The following TMEM170A variants were observed in gnomAD, a reference collection of about 807,000 sequenced individuals.
TMEM170A encodes transmembrane protein 170.
TMEM170A carries 18 observed loss-of-function variants against 12.8 expected under a neutral mutation model. The ratio of observed to expected loss-of-function variants is 1.41; its 90% confidence interval spans 0.97 to 2.09. The LOEUF (loss-of-function observed/expected upper bound fraction) is 2.09. Ranked by LOEUF, TMEM170A falls within the 30% of genes most tolerant of loss-of-function variation. The pLI is 0.00. For missense variants in TMEM170A, 220 were observed against 179.9 expected, an observed-to-expected ratio of 1.22 and a Z score of -1.28; for synonymous variants, 107 against 76.2, an observed-to-expected ratio of 1.40 and a Z score of -2.11.
At position 75,464,542 on chromosome 16, in the gene TMEM170A, A is replaced by C; in HGVS notation, c.59T>G (p.Leu20Arg). ...GGSAGLLQQI[L>R]SLKVVPRVGN... ...CACCCGCGGCACAACCTTCAGGCTC[A>C]GGATCTGCTGCAGGAGCCCGGCCGA... The change falls in exon 1 of 3, where the codon CTG becomes CGG. Residue 20 changes from leucine (L) to arginine (R), a missense_variant. By Grantham distance (102) the Leu-to-Arg change is moderately radical (BLOSUM62 -2). Transcript: ENST00000561878. 1 of 1,589,014 alleles carries C rather than the reference A, an allele frequency of 6.3e-7. No homozygotes were observed. The highest frequency in any genetic ancestry group is 8.5e-7 in the Non-Finnish European group (1 of 1,170,188).
At chr16:75,454,142 A>G (rs190296528) in intron 1 of TMEM170A, among the ~76,000 whole-genome samples, 62 of 148,406 alleles carry the variant, frequency 4.2e-4, no homozygotes, top group African/African-American at 1.3e-3. Flanking sequence ...TTTGGACCAG[A>G]TAACTTTTCA....
intron 1 of TMEM170A, chr16:75,452,774 C>G (rs1241675695): frequency 6.6e-6 from 1 of 152,222 alleles, no homozygotes; most frequent in Non-Finnish European, 1.5e-5. Flanking sequence ...TAGGGTTCAT[C>G]AGTCAAATAT....
At chr16:75,452,213 C>T (rs947943776) in intron 1 of TMEM170A, among the ~76,000 whole-genome samples, 8 of 151,958 alleles carry the variant, frequency 5.3e-5, no homozygotes, top group Admixed American at 6.6e-5. Context: ...CCTCATGATC[C>T]GCCCGCCTCG....
Position 75,443,781 on chromosome 16 carries a change from A to T in TMEM170A, c.*3777T>A, listed in dbSNP as rs927103383. 3.3e-5 allele frequency: 5 copies of T among 152,156 alleles called. No individual in the cohort carries two copies. Among genetic ancestry groups the T allele is most frequent in the Non-Finnish European group, 7.3e-5 (5 of 68,028 alleles). 9.4% of individuals were successfully genotyped at this position (152,156 alleles called of 1,614,324 possible). A position where few individuals can be genotyped will look rare whatever the true frequency, so the allele number is the denominator to read the frequency against. The stretch of plus-strand genomic sequence containing the variant: ...AGTTTTCATGAAATGCTTTCACCTC[A>T]AAACCCCGTATTCAAGAATCAAGAA... On this transcript the variant is annotated 3_prime_UTR_variant, in exon 3 of 3. Coordinates refer to ENST00000561878, the MANE Select transcript of TMEM170A (RefSeq NM_145254.3).
rs2151656955 is a variant in TMEM170A at position 75,464,640 on chromosome 16, C to T, written c.-40G>A. The T allele has an allele frequency of 1.0e-5, 16 of 1,552,594 alleles. No homozygotes were observed. Among genetic ancestry groups the T allele is most frequent in the Non-Finnish European group, 1.3e-5 (15 of 1,155,240 alleles). ...CCACAGAGAAATGAGGGACGAGCGCCCGAAGTGCGGTAGCGGCCGGCGCCG... is the reference window on the plus strand; with the variant it reads ...CCACAGAGAAATGAGGGACGAGCGCTCGAAGTGCGGTAGCGGCCGGCGCCG... On this transcript the variant is annotated 5_prime_UTR_variant, in exon 1 of 3. Transcript: ENST00000561878.
At chr16:75,462,821 G>A (rs1261825786) in intron 1 of TMEM170A, among the ~76,000 whole-genome samples, 1 of 152,146 alleles carries the variant, frequency 6.6e-6, no homozygotes, top group African/African-American at 2.4e-5. Flanking sequence ...TTGGGGAAAT[G>A]TAAACAAGGC....
chr16:75,451,793 G>C lies in TMEM170A; in HGVS notation c.180C>G (p.Phe60Leu). ...CCAGTAATCCAGCAGGGACATGAAAGAAGAGAGAAGACACCAGTGCCCACA... is the reference window on the plus strand; with the variant it reads ...CCAGTAATCCAGCAGGGACATGAAACAAGAGAGAAGACACCAGTGCCCACA... ...VFLWALVSSL[F>L]FHVPAGLLAL... The change falls in exon 2 of 3, where the codon TTC becomes TTG. Residue 60 changes from phenylalanine (F) to leucine (L), a missense_variant. By Grantham distance (22) the Phe-to-Leu change is conservative. Coordinates refer to ENST00000561878, the MANE Select transcript of TMEM170A (RefSeq NM_145254.3). The C allele has an allele frequency of 6.2e-7, 1 of 1,614,000 alleles. No homozygotes were observed. Among genetic ancestry groups the C allele is most frequent in the South Asian group, 1.1e-5 (1 of 91,078 alleles).
rs114315015 is a variant in TMEM170A, at chr16:75,448,281, A to T, written c.305-593T>A. Among the ~76,000 whole-genome samples the T allele has an allele frequency of 3.1e-3, 468 of 152,298 alleles. 2 individuals carry two copies. The highest frequency in any genetic ancestry group is 0.011 in the African/African-American group (455 of 41,560). Reference sequence around the variant, plus strand: ...ATTCACAGGGCATGAGAGGAGAGATACTCAGGGATTCCTTTGTCTCCCAAG... The same window carrying T: ...ATTCACAGGGCATGAGAGGAGAGATTCTCAGGGATTCCTTTGTCTCCCAAG... On this transcript the variant is annotated intron_variant, in intron 2 of 2. Coordinates refer to ENST00000561878, the MANE Select transcript of TMEM170A (RefSeq NM_145254.3).
Position 75,443,482 on chromosome 16 carries a change from C to T in TMEM170A, c.*4076G>A, listed in dbSNP as rs1340140767. 6.6e-6 allele frequency: 1 copy of T among 152,142 alleles called. No homozygotes were observed. The highest frequency in any genetic ancestry group is 1.5e-5 in the Non-Finnish European group (1 of 68,038). The allele number at this position is 152,142 out of a possible 1,614,324, so 9.4% of individuals were successfully genotyped here. The stretch of plus-strand genomic sequence containing the variant: ...ATATGGTCTGCTAATGGCACCGATG[C>T]TTCACATTCCAGGAAATGGTTACTT... On this transcript the variant is annotated 3_prime_UTR_variant, in exon 3 of 3. Transcript: ENST00000561878.
chr16:75,448,065 C>T (rs2079618530), intron 2 of TMEM170A, among the ~76,000 whole-genome samples: 1 of 152,202 alleles, frequency 6.6e-6, no homozygotes, highest in Non-Finnish European at 1.5e-5. Context: ...TCAACAGGGA[C>T]CTAATACATT....
rs1241905564 is a variant in TMEM170A at position 75,464,676 on chromosome 16, G to T, written c.-76C>A. On this transcript the variant is annotated 5_prime_UTR_variant, in exon 1 of 3. Coordinates refer to ENST00000561878, the MANE Select transcript of TMEM170A (RefSeq NM_145254.3). ...TAGCGGCCGGCGCCGACTCACCCTC[G>T]CCGCCTCAGCGTCACCTCCAGCCGG... 2 of 1,510,164 alleles carry T rather than the reference G, an allele frequency of 1.3e-6. No individual in the cohort carries two copies. Among genetic ancestry groups the T allele is most frequent in the Non-Finnish European group, 1.8e-6 (2 of 1,137,336 alleles). The allele number at this position is 1,510,164 out of a possible 1,614,324, so 93.5% of individuals were successfully genotyped here.
intron 2 of TMEM170A, among the ~76,000 whole-genome samples, chr16:75,450,753 G>A (rs1597438573): frequency 6.6e-6 from 1 of 152,096 alleles, no homozygotes; most frequent in African/African-American, 2.4e-5. Flanking sequence ...TGGACCTCCT[G>A]GCTCCAGCAA....
Position 75,455,985 on chromosome 16 carries a change from T to C in TMEM170A, c.134-4146A>G, listed in dbSNP as rs1273765646. 2.6e-5 allele frequency among the ~76,000 whole-genome samples: 4 copies of C among 151,164 alleles called. No individual in the cohort carries two copies. The East Asian group carries it at 7.7e-4, about 29-fold the overall frequency. On this transcript the variant is annotated intron_variant, in intron 1 of 2. Coordinates refer to ENST00000561878, the MANE Select transcript of TMEM170A (RefSeq NM_145254.3). ...AGCACACTGTTAGTGTGTGTGTTTT[T>C]TCCCCCAGATCAATGAAAACCACAG...
Position 75,444,700 on chromosome 16 carries a change from T to C in TMEM170A, c.*2858A>G, listed in dbSNP as rs2079554576. ...ATTTCAAGCTACACCGCTCAAGCTA[T>C]TTAAAATCTATATATATATATAGAT... is the stretch of plus-strand genomic sequence containing the variant. On this transcript the variant is annotated 3_prime_UTR_variant, in exon 3 of 3. Coordinates refer to ENST00000561878, the MANE Select transcript of TMEM170A (RefSeq NM_145254.3). The C allele has an allele frequency of 6.6e-6, 1 of 150,492 alleles. No homozygotes were observed. Among genetic ancestry groups the C allele is most frequent in the African/African-American group, 2.5e-5 (1 of 40,602 alleles). 9.3% of individuals were successfully genotyped at this position (150,492 alleles called of 1,614,324 possible). A position where few individuals can be genotyped will look rare whatever the true frequency, so the allele number is the denominator to read the frequency against.
intron 1 of TMEM170A, chr16:75,452,557 C>T (rs2079709054): frequency 6.6e-6 from 1 of 152,154 alleles, no homozygotes; most frequent in Non-Finnish European, 1.5e-5. Context: ...GTGATCTGCC[C>T]GCCTTGGCCT....
Position 75,446,805 on chromosome 16 carries a change from T to C in TMEM170A, c.*753A>G, listed in dbSNP as rs1011855186. On this transcript the variant is annotated 3_prime_UTR_variant, in exon 3 of 3. Transcript: ENST00000561878. ...ATTAAATGAAATAAAATTAAGAGAA[T>C]TAAAAGTGATAGGGAAAGGTGGTAC... is the stretch of plus-strand genomic sequence containing the variant. 6.6e-6 allele frequency: 1 copy of C among 152,174 alleles called. No individual in the cohort carries two copies. Among genetic ancestry groups the C allele is most frequent in the East Asian group, 1.9e-4 (1 of 5,198 alleles). 9.4% of individuals were successfully genotyped at this position (152,174 alleles called of 1,614,324 possible).
chr16:75,456,446 G>A (rs2079798590), intron 1 of TMEM170A, among the ~76,000 whole-genome samples: 1 of 152,094 alleles, frequency 6.6e-6, no homozygotes, highest in Non-Finnish European at 1.5e-5. Flanking sequence ...AATTAGCTAG[G>A]TGGGGTGGCG....
intron 1 of TMEM170A, among the ~76,000 whole-genome samples, chr16:75,461,701 T>C (rs376006165): frequency 3.9e-5 from 6 of 152,338 alleles, no homozygotes; most frequent in East Asian, 1.9e-4. Flanking sequence ...TCTGATCTAC[T>C]TGGGGTCAAG....
In TMEM170A at chr16:75,445,182, A is replaced by G. The variant is rs1048752127; in HGVS notation, c.*2376T>C. The stretch of plus-strand genomic sequence containing the variant: ...TAAACAAAAAACTAGAATTTTTACA[A>G]TTTGCCTGTGAGAAAGATTTGAGCT... On this transcript the variant is annotated 3_prime_UTR_variant, in exon 3 of 3. Transcript: ENST00000561878. The G allele has an allele frequency of 1.3e-5, 2 of 152,254 alleles. No individual in the cohort carries two copies. The highest frequency in any genetic ancestry group is 4.8e-5 in the African/African-American group (2 of 41,468). The allele number at this position is 152,254 out of a possible 1,614,324, so 9.4% of individuals were successfully genotyped here.
Sources: gnomAD v4.1 joint callset for allele counts (sites outside exome capture counted in the v4.1 genomes callset) on GRCh38, gnomAD v4.1.1 for gene constraint, MANE v1.5 for transcripts, NCBI Gene and HGNC (gene_info 2026-07-23, HGNC 2026-07-21) for gene names.